IARS2: variants seen among roughly 807,000 people sequenced by gnomAD.
IARS2 encodes the protein isoleucyl-tRNA synthetase 2, mitochondrial.
In IARS2, 56 loss-of-function variants were observed where a neutral mutation model predicts 126.3. The observed-to-expected ratio is 0.44, with a 90% CI of 0.36 to 0.55. The LOEUF (loss-of-function observed/expected upper bound fraction) is 0.55. IARS2 is among the 20% of genes least tolerant of loss of function. IARS2 has a pLI of 0.00. For synonymous variants in IARS2, 407 were observed against 441.1 expected, an observed-to-expected ratio of 0.92 and a Z score of 0.97; for missense variants, 1,127 against 1,245.9, an observed-to-expected ratio of 0.90 and a Z score of 1.44.
At chr1:220,120,318 G>T (rs1342025199) in intron 12 of IARS2, among the ~76,000 whole-genome samples, 1 of 151,142 alleles carries the variant, frequency 6.6e-6, no homozygotes, top group Non-Finnish European at 1.5e-5. Flanking sequence ...CCCACCTCAG[G>T]TGATCCGCCC....
At chr1:220,095,616 G>A (rs1191293213) in intron 1 of IARS2, among the ~76,000 whole-genome samples, 2 of 152,136 alleles carry the variant, frequency 1.3e-5, no homozygotes, top group East Asian at 1.9e-4. Flanking sequence ...AAGCAGGCCC[G>A]TAAGTGCACA....
chr1:220,094,485 T>C lies in IARS2; in HGVS notation c.267+2T>C. On this transcript the variant is annotated splice_donor_variant, in intron 1 of 22. Coordinates refer to ENST00000366922, the MANE Select transcript of IARS2 (RefSeq NM_018060.4). LOFTEE classifies it high-confidence loss of function. ...GACACGGAGCTGGAGATCCAGCAGG[T>C]ACGGGCCCCGCCTCGGCGCGGGGCC... 1 of 1,595,362 alleles carries C rather than the reference T, an allele frequency of 6.3e-7. No homozygotes were observed. The highest frequency in any genetic ancestry group is 8.5e-7 in the Non-Finnish European group (1 of 1,171,926).
intron 21 of IARS2, chr1:220,144,013 T>A (rs1571866043): frequency 1.3e-6 from 2 of 1,526,818 alleles, no homozygotes; most frequent in Non-Finnish European, 1.8e-6. Context: ...TGCTTCTTCA[T>A]GGTCCATGAT....
intron 10 of IARS2, 74 bp downstream of exon 10, chr1:220,107,225 C>A: frequency 1.1e-6 from 1 of 910,928 alleles, no homozygotes; most frequent in Non-Finnish European, 1.8e-6. Context: ...TACCTATTTT[C>A]CCTCCTTATA....
intron 11 of IARS2, among the ~76,000 whole-genome samples, chr1:220,113,689 G>A (rs1252677738): frequency 6.9e-6 from 1 of 145,594 alleles, no homozygotes; most frequent in Non-Finnish European, 1.5e-5. Context: ...CTGTCGCCCA[G>A]GTTGGAGTGC....
In IARS2 at chr1:220,138,997, C is replaced by T; in HGVS notation, c.2176-11C>T. On this transcript the variant is annotated splice_polypyrimidine_tract_variant and intron_variant, in intron 17 of 22. Coordinates refer to ENST00000366922, the MANE Select transcript of IARS2 (RefSeq NM_018060.4). ...TTTTTTTAACTGCATATTTTTTCTT[C>T]CTATGAATAGCTTAGGAATACACTT... is the stretch of plus-strand genomic sequence containing the variant. 1.3e-6 allele frequency: 2 copies of T among 1,599,832 alleles called. No individual in the cohort carries two copies. The highest frequency in any genetic ancestry group is 3.6e-5 in the Admixed American group (2 of 56,204).
Position 220,110,885 on chromosome 1 carries a change from G to C in IARS2, c.1427G>C (p.Arg476Pro). 1 of 1,613,886 alleles carries C rather than the reference G, an allele frequency of 6.2e-7. No individual in the cohort carries two copies. The highest frequency in any genetic ancestry group is 8.5e-7 in the Non-Finnish European group (1 of 1,179,950). Reference protein sequence around the residue: ...DWRTKKPVVIRASKQWFINIT... With the variant: ...DWRTKKPVVIPASKQWFINIT... ...AGGACCAAGAAACCTGTGGTTATTC[G>C]TGCCAGCAAGCAGTGGTTTATAAAC... The change falls in exon 11 of 23, where the codon CGT becomes CCT. Residue 476 changes from arginine to proline, a missense_variant. Coordinates refer to ENST00000366922, the MANE Select transcript of IARS2 (RefSeq NM_018060.4).
chr1:220,106,363 G>C (rs1327803402), intron 9 of IARS2, among the ~76,000 whole-genome samples: 6 of 152,060 alleles, frequency 3.9e-5, no homozygotes, highest in Non-Finnish European at 2.9e-5. Context: ...AAGCCTGTTT[G>C]TTTTAGCTAA....
intron 11 of IARS2, 37 bp downstream of exon 11, chr1:220,110,974 T>TAG: frequency 6.3e-7 from 1 of 1,599,490 alleles, no homozygotes; most frequent in Non-Finnish European, 8.5e-7. Context: ...GTCGGGCATA[T>TAG]CATTCCCTCA....
At chr1:220,120,329 G>A (rs1465965085) in intron 12 of IARS2, among the ~76,000 whole-genome samples, 1 of 150,246 alleles carries the variant, frequency 6.7e-6, no homozygotes, top group Non-Finnish European at 1.5e-5. Context: ...TGATCCGCCC[G>A]CCTCGGCCTC....
At chr1:220,126,684 G>A (rs1174543768) in intron 13 of IARS2, 66 bp from the exon 14 acceptor site, 55 of 1,120,938 alleles carry the variant, frequency 4.9e-5, no homozygotes, top group Admixed American at 3.8e-4. Flanking sequence ...GACTTTTGGG[G>A]TACAGTATTT....
In IARS2 at chr1:220,137,968, A is replaced by G. The variant is rs201096172; in HGVS notation, c.2100A>G (p.Val700=). 1 of 1,614,172 alleles carries G rather than the reference A, an allele frequency of 6.2e-7. No homozygotes were observed. Among genetic ancestry groups the G allele is most frequent in the Non-Finnish European group, 8.5e-7 (1 of 1,180,004 alleles). The change falls in exon 17 of 23, where the codon GTA becomes GTG. Residue 700 remains valine (V), a synonymous_variant. Coordinates refer to ENST00000366922, the MANE Select transcript of IARS2 (RefSeq NM_018060.4). ...GTGCTGATGTCCTTCGCTGGTGGGT[A>G]GCTGATTCCAATGTCTTCACCGAAG... ...PYGADVLRWW[V]ADSNVFTEVA...
intron 12 of IARS2, among the ~76,000 whole-genome samples, chr1:220,115,546 T>A (rs1346126245): frequency 1.3e-5 from 2 of 151,878 alleles, no homozygotes; most frequent in Non-Finnish European, 2.9e-5. Context: ...GGTGACAGAG[T>A]GAGACTCTAT....
At chr1:220,100,406 A>G (rs1571843973) in intron 2 of IARS2, 84 bp from the exon 3 acceptor site, 1 of 1,150,436 alleles carries the variant, frequency 8.7e-7, no homozygotes, top group East Asian at 2.5e-5. Flanking sequence ...TATGAATGCT[A>G]ATTATCATTT....
In IARS2 at chr1:220,102,516, A is replaced by G; in HGVS notation, c.771A>G (p.Glu257=). 6.2e-7 allele frequency: 1 copy of G among 1,613,962 alleles called. No homozygotes were observed. The highest frequency in any genetic ancestry group is 1.3e-5 in the African/African-American group (1 of 75,066). Reference sequence around the variant, plus strand: ...TTAGGACTGCATTGGCTGAAGCAGAACTTGAATATAATCCTGAGCATGTCA... The same window carrying G: ...TTAGGACTGCATTGGCTGAAGCAGAGCTTGAATATAATCCTGAGCATGTCA... The part of the protein sequence containing the change: ...PSSRTALAEA[E]LEYNPEHVSR... The change falls in exon 6 of 23, where the codon GAA becomes GAG. Residue 257 remains glutamate, a synonymous_variant. Coordinates refer to ENST00000366922, the MANE Select transcript of IARS2 (RefSeq NM_018060.4).
At chr1:220,144,370 G>A (rs571850027) in intron 21 of IARS2, 43 of 637,012 alleles carry the variant, frequency 6.8e-5, no homozygotes, top group South Asian at 6.6e-4. Context: ...GCAGAAAGAC[G>A]GTGGAAGAGC....
chr1:220,096,021 G>A (rs1377985454), intron 1 of IARS2, 83 bp from the exon 2 acceptor site: 6 of 726,074 alleles, frequency 8.3e-6, no homozygotes, highest in Non-Finnish European at 1.1e-5. Context: ...ATGGAAATAA[G>A]CAAGTGTTGG....
At chr1:220,124,109 A>G (rs565350575) in intron 12 of IARS2, among the ~76,000 whole-genome samples, 2 of 152,356 alleles carry the variant, frequency 1.3e-5, no homozygotes, top group African/African-American at 4.8e-5. Context: ...GGCAGGATCC[A>G]TGCTCTTGGC....
At chr1:220,103,333 C>A (rs889897812) in intron 7 of IARS2, 114 bp from the exon 8 acceptor site, 3 of 644,566 alleles carry the variant, frequency 4.7e-6, no homozygotes, top group Non-Finnish European at 8.1e-6. Flanking sequence ...TAGACATGAG[C>A]CACCGCGCTG....
Sources: allele counts gnomAD v4.1 joint callset (sites outside exome capture counted in the v4.1 genomes callset), GRCh38; gene constraint gnomAD v4.1.1; transcripts MANE v1.5; gene names NCBI Gene and HGNC (gene_info 2026-07-23, HGNC 2026-07-21).